The following ANKFN1 variants were observed in gnomAD, a reference collection of about 807,000 sequenced individuals.
ANKFN1 encodes the protein ankyrin repeat and fibronectin type-III domain-containing protein 1.
Under a neutral mutation model 108.7 loss-of-function variants are expected in ANKFN1, and 74 were observed. That is an observed-to-expected ratio of 0.68 (90% confidence interval 0.56 to 0.83). The LOEUF (loss-of-function observed/expected upper bound fraction) is 0.83. ANKFN1 is among the 40% of genes least tolerant of loss of function. The pLI is 0.00. For synonymous variants in ANKFN1, 547 were observed against 516.2 expected (o/e 1.06, Z -0.81); for missense variants, 1,505 against 1,382.3 (o/e 1.09, Z -1.41).
Position 56,127,659 on chromosome 17 carries a change from C to T in ANKFN1, c.288+81334C>T, listed in dbSNP as rs185900653. Among the ~76,000 whole-genome samples, 53 of 152,330 alleles carry T rather than the reference C, an allele frequency of 3.5e-4. 2 individuals carry two copies. Among genetic ancestry groups the T allele is most frequent in the Admixed American group, 3.1e-3 (48 of 15,284 alleles). ...GACAAAAAACACAGTTTAGGATCTT[C>T]TGCTCATAATGCATTAGTTTCTCAC... is the stretch of plus-strand genomic sequence containing the variant. On this transcript the variant is annotated intron_variant, in intron 4 of 12. Coordinates refer to the ANKFN1 transcript ENST00000635860.
At chr17:56,174,103 G>A in intron 1 of ANKFN1, 1 of 880,754 alleles carries the variant, frequency 1.1e-6, no homozygotes. Context: ...AAGAATCCGT[G>A]GGTCAGCTTG....
chr17:56,417,588 T>C lies in ANKFN1; in HGVS notation c.911-22739T>C, dbSNP rs565934895. ...CGAGTTTAAGGCACTGTGCCCAAGG[T>C]AGGGTTAGTGCATGAATGTATCTGC... On this transcript the variant is annotated intron_variant, in intron 8 of 20. Transcript: ENST00000682825. Among the ~76,000 whole-genome samples the C allele has an allele frequency of 2.0e-5, 3 of 152,330 alleles. No homozygotes were observed. The South Asian group carries it at 6.2e-4, about 32-fold the overall frequency.
chr17:56,295,828 G>C (rs1836233614), intron 3 of ANKFN1, among the ~76,000 whole-genome samples: 1 of 152,100 alleles, frequency 6.6e-6, no homozygotes, highest in South Asian at 2.1e-4. Flanking sequence ...GAGAGAAGAG[G>C]GGGGCCAAAC....
chr17:56,164,103 A>G (rs1466927945), intron 1 of ANKFN1, among the ~76,000 whole-genome samples: 11 of 152,082 alleles, frequency 7.2e-5, no homozygotes, highest in Non-Finnish European at 4.4e-5. Flanking sequence ...TCTTCCATCC[A>G]TATCTCCAGT....
chr17:56,281,728 G>A (rs1273260474), intron 3 of ANKFN1, among the ~76,000 whole-genome samples: 1 of 152,042 alleles, frequency 6.6e-6, no homozygotes, highest in Non-Finnish European at 1.5e-5. Flanking sequence ...ATAATTAGCA[G>A]CACATTTTTT....
At chr17:56,249,856 A>G (rs143407372) in intron 3 of ANKFN1, among the ~76,000 whole-genome samples, 1 of 152,288 alleles carries the variant, frequency 6.6e-6, no homozygotes, top group East Asian at 1.9e-4. Flanking sequence ...ATAGAAAGCC[A>G]ACTGCCCCAC....
intron 8 of ANKFN1, among the ~76,000 whole-genome samples, chr17:56,402,877 A>G (rs1452485509): frequency 6.6e-6 from 1 of 152,034 alleles, no homozygotes; most frequent in Non-Finnish European, 1.5e-5. Flanking sequence ...GCCTTGCTGT[A>G]TCCCAGAGGT....
chr17:56,511,154 G>T lies in ANKFN1; in HGVS notation c.3326G>T (p.Ser1109Ile). Residue 1109 changes from serine (S) to isoleucine (I), a missense_variant, in exon 21 of 21, where the codon AGC becomes ATC. Ser to Ile is a moderately radical substitution (Grantham distance 142). Transcript: ENST00000682825. Reference protein sequence around the residue: ...VVAQDEKPWASLSPPSGGRIT... With the variant: ...VVAQDEKPWAILSPPSGGRIT... ...GCCCAGGACGAAAAACCATGGGCAAGCTTGAGCCCGCCCTCTGGAGGCCGC... is the reference window on the plus strand; with the variant it reads ...GCCCAGGACGAAAAACCATGGGCAATCTTGAGCCCGCCCTCTGGAGGCCGC... 1 of 1,536,092 alleles carries T rather than the reference G, an allele frequency of 6.5e-7. No homozygotes were observed. Among genetic ancestry groups the T allele is most frequent in the Non-Finnish European group, 8.7e-7 (1 of 1,146,882 alleles).
intron 4 of ANKFN1, among the ~76,000 whole-genome samples, chr17:56,121,477 A>G (rs1033868695): frequency 1.3e-5 from 2 of 152,204 alleles, no homozygotes; most frequent in Middle Eastern, 3.4e-3. Context: ...TAAAGATGAC[A>G]TTATCTTTGG....
At chr17:56,094,229 A>C (rs1257887470) in intron 4 of ANKFN1, among the ~76,000 whole-genome samples, 1 of 151,048 alleles carries the variant, frequency 6.6e-6, no homozygotes, top group Non-Finnish European at 1.5e-5. Flanking sequence ...TGGCCTCTAG[A>C]ACTGTGAGAT....
At chr17:56,373,628 C>T (rs565176874) in intron 7 of ANKFN1, among the ~76,000 whole-genome samples, 93 of 152,292 alleles carry the variant, frequency 6.1e-4, no homozygotes, top group Admixed American at 5.2e-4. Context: ...TAGACAAAGA[C>T]CAAAGACAGT....
At chr17:56,082,375 G>A (rs533728120) in intron 4 of ANKFN1, among the ~76,000 whole-genome samples, 2 of 151,920 alleles carry the variant, frequency 1.3e-5, no homozygotes, top group African/African-American at 4.8e-5. Context: ...ATCTCCACGG[G>A]CTCTATTGTC....
intron 15 of ANKFN1, among the ~76,000 whole-genome samples, chr17:56,469,243 C>A (rs1248420802): frequency 6.6e-6 from 1 of 151,340 alleles, no homozygotes; most frequent in African/African-American, 2.4e-5. Context: ...CCCTTCTCCT[C>A]CCCCTACTTC....
intron 3 of ANKFN1, among the ~76,000 whole-genome samples, chr17:56,282,321 G>T (rs768675058): frequency 2.0e-5 from 3 of 151,658 alleles, no homozygotes; most frequent in Non-Finnish European, 4.4e-5. Context: ...TGTGTTGGAG[G>T]GAAGAGGGTG....
At chr17:56,153,586 G>A in intron 1 of ANKFN1, 56 bp downstream of exon 1, 1 of 1,602,538 alleles carries the variant, frequency 6.2e-7, no homozygotes, top group Admixed American at 1.7e-5. Flanking sequence ...CCATTGTTTT[G>A]CATTCAACAG....
rs756823724 is a variant in ANKFN1 at position 56,350,982 on chromosome 17, T to C, written c.390+15T>C. The C allele has an allele frequency of 7.1e-5, 115 of 1,610,344 alleles. No individual in the cohort carries two copies. The highest frequency in any genetic ancestry group is 8.7e-5 in the Non-Finnish European group (102 of 1,177,750). Reference sequence around the variant, plus strand: ...AGACCTCGGTGGTAACAAAACTGTTTTTATTCTTGTGTCAGTTTGATTTAT... The same window carrying C: ...AGACCTCGGTGGTAACAAAACTGTTCTTATTCTTGTGTCAGTTTGATTTAT... On this transcript the variant is annotated intron_variant, in intron 5 of 20. Transcript: ENST00000682825.
At chr17:56,047,914 T>C (rs1250040436) in intron 4 of ANKFN1, among the ~76,000 whole-genome samples, 1 of 151,760 alleles carries the variant, frequency 6.6e-6, no homozygotes, top group Non-Finnish European at 1.5e-5. Flanking sequence ...CCTGTGACTC[T>C]TTATTTTTTC....
At chr17:56,151,097 A>G (rs1908576168), upstream of ANKFN1, among the ~76,000 whole-genome samples, 1 of 152,128 alleles carries the variant, frequency 6.6e-6, no homozygotes, top group Admixed American at 6.6e-5. Context: ...GTGTAGTCCC[A>G]TCTCTGCTCA....
chr17:56,501,376 A>G (rs2051364242), intron 20 of ANKFN1, among the ~76,000 whole-genome samples: 1 of 152,210 alleles, frequency 6.6e-6, no homozygotes, highest in Non-Finnish European at 1.5e-5. Context: ...AAGAGACCAT[A>G]AGGGAAAATT....
Sources: gnomAD v4.1 joint callset for allele counts (sites outside exome capture counted in the v4.1 genomes callset) on GRCh38, gnomAD v4.1.1 for gene constraint, MANE v1.5 for transcripts, NCBI Gene and HGNC (gene_info 2026-07-23, HGNC 2026-07-21) for gene names.